The following GIGYF2 variants were observed in gnomAD, a reference collection of about 807,000 sequenced individuals.
GIGYF2 encodes the protein GRB10-interacting GYF protein 2.
In GIGYF2, 25 loss-of-function variants were observed where a neutral mutation model predicts 208.1. The ratio of observed to expected loss-of-function variants is 0.12; its 90% confidence interval spans 0.09 to 0.17. GIGYF2 has a LOEUF of 0.17. Among genes scored for constraint, GIGYF2 ranks in the 10% least tolerant of loss-of-function variants. The pLI, the probability that GIGYF2 is intolerant of heterozygous loss-of-function variation, is 1.00. For missense variants in GIGYF2, 1,302 were observed against 1,579.4 expected (o/e 0.82, Z 2.98); for synonymous variants, 534 against 543.8 (o/e 0.98, Z 0.25).
intron 3 of GIGYF2, among the ~76,000 whole-genome samples, chr2:232,746,265 C>T (rs1426851259): frequency 6.6e-6 from 1 of 151,350 alleles, no homozygotes; most frequent in African/African-American, 2.4e-5. Context: ...ACACATTTTA[C>T]TGTTTACTAT....
chr2:232,852,139 C>A (rs1354142232), intron 28 of GIGYF2, among the ~76,000 whole-genome samples: 2 of 152,200 alleles, frequency 1.3e-5, no homozygotes, highest in Admixed American at 1.3e-4. Context: ...CAGTGAGAGG[C>A]AGGTGGTAAC....
At chr2:232,770,944 A>T in intron 8 of GIGYF2, 1 of 1,614,046 alleles carries the variant, frequency 6.2e-7, no homozygotes, top group Non-Finnish European at 8.5e-7. Flanking sequence ...GAGCATTTGT[A>T]TGGCAAGTAA....
At chr2:232,816,709 T>C (rs2106391346) in intron 19 of GIGYF2, among the ~76,000 whole-genome samples, 162 bp from the exon 20 acceptor site, 1 of 152,324 alleles carries the variant, frequency 6.6e-6, no homozygotes, top group African/African-American at 2.4e-5. Flanking sequence ...CCATTGTATG[T>C]ATATAACATA....
intron 8 of GIGYF2, among the ~76,000 whole-genome samples, chr2:232,784,555 T>C (rs1159291322): frequency 1.3e-5 from 2 of 150,510 alleles, no homozygotes; most frequent in Non-Finnish European, 3.0e-5. Context: ...CGCGCCCGGC[T>C]AATTTTTTCT....
chr2:232,744,887 C>T (rs929992409), intron 3 of GIGYF2, among the ~76,000 whole-genome samples: 2 of 152,010 alleles, frequency 1.3e-5, no homozygotes, highest in South Asian at 2.1e-4. Context: ...TTCTGCTGCC[C>T]GTGACTGTGG....
chr2:232,808,387 C>G (rs939106164), intron 15 of GIGYF2, among the ~76,000 whole-genome samples: 1 of 152,216 alleles, frequency 6.6e-6, no homozygotes, highest in African/African-American at 2.4e-5. Context: ...GTTAGAGGAG[C>G]TGAGCCTCAG....
At chr2:232,761,313 A>G in intron 7 of GIGYF2, 83 bp from the exon 8 acceptor site, 1 of 862,180 alleles carries the variant, frequency 1.2e-6, no homozygotes, top group Non-Finnish European at 2.0e-6. Flanking sequence ...AAATGCTTTT[A>G]GAAAAATGGG....
At chr2:232,847,643 G>T in intron 27 of GIGYF2, 72 bp downstream of exon 27, 4 of 1,580,228 alleles carry the variant, frequency 2.5e-6, no homozygotes, top group Non-Finnish European at 3.4e-6. Context: ...CCCAAGAAAT[G>T]AAAATTAATA....
chr2:232,726,542 T>A (rs556227061), intron 2 of GIGYF2, among the ~76,000 whole-genome samples: 5 of 152,118 alleles, frequency 3.3e-5, no homozygotes, highest in South Asian at 2.1e-4. Flanking sequence ...GGAGTTCAAG[T>A]CCAGCCTGGG....
At chr2:232,852,881 ATCT>A (rs1368065530) in intron 28 of GIGYF2, among the ~76,000 whole-genome samples, 1 of 152,208 alleles carries the variant, frequency 6.6e-6, no homozygotes, top group African/African-American at 2.4e-5. Context: ...CTTGGATCTC[ATCT>A]TCTATTTATA....
chr2:232,758,418 A>G (rs1288123115), intron 6 of GIGYF2, among the ~76,000 whole-genome samples: 1 of 152,240 alleles, frequency 6.6e-6, no homozygotes, highest in Admixed American at 6.5e-5. Flanking sequence ...TATTGTCTTC[A>G]TCATTATTAA....
At chr2:232,791,505 T>G in intron 12 of GIGYF2, 59 bp downstream of exon 12, 2 of 1,432,934 alleles carry the variant, frequency 1.4e-6, no homozygotes, top group Non-Finnish European at 1.9e-6. Context: ...CAGTGATCAC[T>G]GATAAGTTAG....
rs770234245 is a variant in GIGYF2, at chr2:232,809,788, G to A, written c.1875G>A (p.Leu625=). ...CAGCCTTATACCAGATGCAGCACCT[G>A]CAGTACCAGCAGTTTTTAATACAGT... ...ELTALYQMQH[L]QYQQFLIQQQ... is the part of the protein sequence containing the mutation. The change falls in exon 16 of 29, where the codon CTG becomes CTA. Residue 625 remains leucine, a synonymous_variant. Transcript: ENST00000373563. 3 of 1,596,502 alleles carry A rather than the reference G, an allele frequency of 1.9e-6. No individual in the cohort carries two copies. The highest frequency in any genetic ancestry group is 2.2e-5 in the South Asian group (2 of 90,758).
intron 13 of GIGYF2, among the ~76,000 whole-genome samples, chr2:232,795,248 G>T (rs1417611799): frequency 2.6e-5 from 4 of 152,162 alleles, no homozygotes; most frequent in Admixed American, 2.6e-4. Flanking sequence ...AGCAGCTGTG[G>T]ATGGTCACTG....
chr2:232,714,024 A>T (rs536706493), intron 2 of GIGYF2, among the ~76,000 whole-genome samples: 2 of 146,868 alleles, frequency 1.4e-5, no homozygotes, highest in Admixed American at 7.1e-5. Context: ...ATCTCGGCTC[A>T]CTGCAAGCTA....
At position 232,697,338 on chromosome 2, in the gene GIGYF2, G is replaced by A. The variant is rs562165433; in HGVS notation, c.-164G>A. 6.5e-6 allele frequency: 1 copy of A among 153,072 alleles called. No individual in the cohort carries two copies. Among genetic ancestry groups the A allele is most frequent in the African/African-American group, 2.4e-5 (1 of 41,596 alleles). The allele number at this position is 153,072 out of a possible 1,614,324, so 9.5% of individuals were successfully genotyped here. On this transcript the variant is annotated 5_prime_UTR_variant, in exon 1 of 29. Transcript: ENST00000373563. ...CGTGGCGACGTGTCGGCCATCTTGT[G>A]TTGTTGAGGCTGAGGACTGACTGGG... is the stretch of plus-strand genomic sequence containing the variant.
chr2:232,856,123 C>A (rs150359660), intron 28 of GIGYF2, among the ~76,000 whole-genome samples: 1 of 151,820 alleles, frequency 6.6e-6, no homozygotes, highest in Non-Finnish European at 1.5e-5. Context: ...TTAGTAGAGA[C>A]GAGGTTTCAC....
intron 14 of GIGYF2, among the ~76,000 whole-genome samples, chr2:232,799,048 A>G (rs539359001): frequency 1.1e-4 from 17 of 151,842 alleles, no homozygotes; most frequent in Admixed American, 9.8e-4. Flanking sequence ...TGTAAGTGGA[A>G]TCGTGCAGTA....
intron 18 of GIGYF2, among the ~76,000 whole-genome samples, chr2:232,814,731 C>A (rs1451544931): frequency 6.6e-6 from 1 of 152,084 alleles, no homozygotes; most frequent in Non-Finnish European, 1.5e-5. Context: ...TGGTCCCAAG[C>A]ATTTTGGATA....
Sources: gnomAD v4.1 joint callset for allele counts (sites outside exome capture counted in the v4.1 genomes callset) on GRCh38, gnomAD v4.1.1 for gene constraint, MANE v1.5 for transcripts, NCBI Gene and HGNC (gene_info 2026-07-23, HGNC 2026-07-21) for gene names.